JARID2: variants seen among roughly 807,000 people sequenced by gnomAD.
The protein encoded by JARID2 is protein Jumonji.
JARID2 carries 21 observed loss-of-function variants against 125.6 expected under a neutral mutation model. The observed-to-expected ratio is 0.17, with a 90% CI of 0.12 to 0.24. The LOEUF is 0.24. JARID2 is among the 10% of genes least tolerant of loss of function. The pLI is 1.00. For missense variants in JARID2, 1,303 were observed against 1,639.6 expected (o/e 0.79, Z 3.55); for synonymous variants, 736 against 661.6 (o/e 1.11, Z -1.73).
intron 3 of JARID2, among the ~76,000 whole-genome samples, chr6:15,446,751 T>G (rs1004538049): frequency 2.6e-5 from 4 of 152,214 alleles, no homozygotes; most frequent in Non-Finnish European, 5.9e-5. Context: ...CTGATTTTGG[T>G]TATGAATGAG....
intron 1 of JARID2, among the ~76,000 whole-genome samples, chr6:15,265,018 A>G (rs1332109259): frequency 6.6e-6 from 1 of 152,176 alleles, no homozygotes; most frequent in Non-Finnish European, 1.5e-5. Flanking sequence ...GCCTTTACAA[A>G]TGCAAAAAAG....
intron 7 of JARID2, among the ~76,000 whole-genome samples, chr6:15,500,556 A>G (rs1317526439): frequency 3.3e-5 from 5 of 152,160 alleles, no homozygotes; most frequent in Non-Finnish European, 7.4e-5. Flanking sequence ...CCATGTGACA[A>G]CACATGTACC....
At chr6:15,474,032 T>A (rs565675397) in intron 5 of JARID2, among the ~76,000 whole-genome samples, 10 of 152,254 alleles carry the variant, frequency 6.6e-5, no homozygotes, top group African/African-American at 2.4e-4. Context: ...GCTGGCTAGC[T>A]GTGCTGCCTT....
chr6:15,320,799 ATAT>A (rs1762324685), intron 1 of JARID2, among the ~76,000 whole-genome samples: 1 of 151,860 alleles, frequency 6.6e-6, no homozygotes, highest in East Asian at 1.9e-4. Context: ...AGACCAATCT[ATAT>A]TATTTTCAGC....
At chr6:15,443,319 T>C (rs941065073) in intron 3 of JARID2, among the ~76,000 whole-genome samples, 1 of 152,172 alleles carries the variant, frequency 6.6e-6, no homozygotes, top group Non-Finnish European at 1.5e-5. Flanking sequence ...TGAAGTAAGT[T>C]AACGTGTTGC....
chr6:15,359,827 C>T (rs1228456497), intron 1 of JARID2, among the ~76,000 whole-genome samples: 1 of 151,928 alleles, frequency 6.6e-6, no homozygotes, highest in Admixed American at 6.6e-5. Context: ...GCTGGGACCA[C>T]AGGCACCCGC....
chr6:15,277,544 C>A (rs576121963), intron 1 of JARID2, among the ~76,000 whole-genome samples: 1 of 152,244 alleles, frequency 6.6e-6, no homozygotes, highest in African/African-American at 2.4e-5. Context: ...GGGTTGTAGG[C>A]CAGTCTCTTT....
At chr6:15,486,268 A>G (rs1769860991) in intron 5 of JARID2, among the ~76,000 whole-genome samples, 1 of 152,230 alleles carries the variant, frequency 6.6e-6, no homozygotes, top group Non-Finnish European at 1.5e-5. Context: ...CGTTTATTCC[A>G]TGGGGAGGGA....
chr6:15,393,210 A>C (rs1220090513), intron 2 of JARID2, among the ~76,000 whole-genome samples: 1 of 151,844 alleles, frequency 6.6e-6, no homozygotes, highest in Non-Finnish European at 1.5e-5. Flanking sequence ...AAGTTAAAAA[A>C]ATTGATATTT....
At chr6:15,493,037 T>C (rs1309334134) in intron 6 of JARID2, among the ~76,000 whole-genome samples, 1 of 152,164 alleles carries the variant, frequency 6.6e-6, no homozygotes, top group East Asian at 1.9e-4. Flanking sequence ...CCATTGAAGA[T>C]AGTGATATAT....
intron 1 of JARID2, among the ~76,000 whole-genome samples, chr6:15,340,172 T>C (rs1763020596): frequency 6.6e-6 from 1 of 152,184 alleles, no homozygotes; most frequent in Non-Finnish European, 1.5e-5. Context: ...TGCCATGTTC[T>C]AATGGGCTGT....
chr6:15,436,784 G>T (rs1192959635), intron 3 of JARID2, among the ~76,000 whole-genome samples: 1 of 151,898 alleles, frequency 6.6e-6, no homozygotes, highest in Non-Finnish European at 1.5e-5. Flanking sequence ...TAGTGGTGTG[G>T]ACTCCTGCTT....
intron 2 of JARID2, among the ~76,000 whole-genome samples, chr6:15,381,745 T>C (rs1764597844): frequency 6.6e-6 from 1 of 152,212 alleles, no homozygotes; most frequent in South Asian, 2.1e-4. Flanking sequence ...TGGGAGGCAT[T>C]GTGGGTATAA....
chr6:15,309,095 A>G (rs1313420751), intron 1 of JARID2, among the ~76,000 whole-genome samples: 1 of 152,208 alleles, frequency 6.6e-6, no homozygotes. Context: ...TATCTCTGGG[A>G]AAATTCCATT....
At chr6:15,366,302 G>A (rs1470060222) in intron 1 of JARID2, among the ~76,000 whole-genome samples, 1 of 151,802 alleles carries the variant, frequency 6.6e-6, no homozygotes, top group Non-Finnish European at 1.5e-5. Flanking sequence ...CTTGTCCATG[G>A]GCCTAGTTTT....
chr6:15,354,913 A>G (rs1468877769), intron 1 of JARID2, among the ~76,000 whole-genome samples: 1 of 152,222 alleles, frequency 6.6e-6, no homozygotes, highest in African/African-American at 2.4e-5. Flanking sequence ...ATATTAGAAA[A>G]GCCGGGGAGG....
At chr6:15,474,966 T>G (rs898495120) in intron 5 of JARID2, among the ~76,000 whole-genome samples, 1 of 152,240 alleles carries the variant, frequency 6.6e-6, no homozygotes, top group Admixed American at 6.5e-5. Flanking sequence ...ATAATCCCGG[T>G]TGACACCAGT....
intron 3 of JARID2, among the ~76,000 whole-genome samples, chr6:15,419,355 G>T (rs1304017077): frequency 6.6e-6 from 1 of 152,130 alleles, no homozygotes. Flanking sequence ...ATTATGATGT[G>T]GCAGTTTTGA....
intron 1 of JARID2, among the ~76,000 whole-genome samples, chr6:15,284,551 C>T (rs1760918905): frequency 7.0e-6 from 1 of 142,968 alleles, no homozygotes; most frequent in Non-Finnish European, 1.5e-5. Flanking sequence ...GCTCTTGTTT[C>T]CCAGGCTGGA....
Sources: allele counts gnomAD v4.1 joint callset (sites outside exome capture counted in the v4.1 genomes callset), GRCh38; gene constraint gnomAD v4.1.1; transcripts MANE v1.5; gene names NCBI Gene and HGNC (gene_info 2026-07-23, HGNC 2026-07-21).